Variants in HACL1 observed in about 807,000 individuals in gnomAD.
The protein encoded by HACL1 is 1600020H07Rik.
HACL1 carries 64 observed loss-of-function variants against 74.2 expected under a neutral mutation model. That is an observed-to-expected ratio of 0.86 (90% CI 0.70 to 1.06). The LOEUF (loss-of-function observed/expected upper bound fraction) is 1.06. HACL1 is among the 50% of genes least tolerant of loss of function. The probability of loss-of-function intolerance (pLI) is 0.00; values close to 1 mark genes in which losing one functional copy is unlikely to be tolerated. For synonymous variants in HACL1, 230 were observed against 238.8 expected (o/e 0.96, Z 0.34); for missense variants, 728 against 719.7 (o/e 1.01, Z -0.13).
Position 15,585,318 on chromosome 3 carries a change from G to A in HACL1, c.484C>T (p.Arg162Cys), listed in dbSNP as rs565905476. The change falls in exon 7 of 17, where the codon CGT becomes TGT. Residue 162 changes from arginine (R) to cysteine (C), a missense_variant. By Grantham distance (180) the Arg-to-Cys change is radical. Coordinates refer to ENST00000321169, the MANE Select transcript of HACL1 (RefSeq NM_012260.4). The stretch of plus-strand genomic sequence containing the variant: ...ATGTCAACATAGCAAGCACCTGGAC[G>A]ACCATAGATACTGCTTCTCACTGCC... The part of the protein sequence containing the change: ...EKAVRSSIYG[R>C]PGACYVDIPA... 19 of 1,601,102 alleles carry A rather than the reference G, an allele frequency of 1.2e-5. No individual in the cohort carries two copies. The African/African-American group carries it at 1.2e-4, about 10-fold the overall frequency.
intron 2 of HACL1, among the ~76,000 whole-genome samples, chr3:15,597,241 C>G (rs2064083241): frequency 6.6e-6 from 1 of 152,128 alleles, no homozygotes; most frequent in South Asian, 2.1e-4. Context: ...TGCTTAATTT[C>G]CAAAGGTCTG....
chr3:15,563,542 A>T lies in HACL1; in HGVS notation c.1520T>A (p.Val507Asp), dbSNP rs1471686021. Reference protein sequence around the residue: ...MLKFQDATAVVPPMCLLPNSH... With the variant: ...MLKFQDATAVDPPMCLLPNSH... ...ATTTGGCAGCAAACACATTGGAGGG[A>T]CCCTGAAAAACAAGGTCATGAGTCA... The change falls in exon 16 of 17, where the codon GTC (valine) becomes GAC (aspartate). Residue 507 changes from valine (V) to aspartate (D), a missense_variant and splice_region_variant. Coordinates refer to ENST00000321169, the MANE Select transcript of HACL1 (RefSeq NM_012260.4). 8 of 1,593,236 alleles carry T rather than the reference A, an allele frequency of 5.0e-6. No individual in the cohort carries two copies. The highest frequency in any genetic ancestry group is 6.9e-6 in the Non-Finnish European group (8 of 1,162,918).
chr3:15,593,536 C>T (rs79151331), intron 3 of HACL1, among the ~76,000 whole-genome samples: 3,578 of 151,974 alleles, frequency 0.024, 220 homozygotes, highest in Admixed American at 0.12. Flanking sequence ...AGAAAGATAT[C>T]GGATTTCTTG....
chr3:15,576,395 T>C (rs1308987597), intron 9 of HACL1, among the ~76,000 whole-genome samples: 7 of 152,114 alleles, frequency 4.6e-5, no homozygotes, highest in South Asian at 4.1e-4. Context: ...TATTCCAGAA[T>C]TGCTTTCTAA....
intron 14 of HACL1, among the ~76,000 whole-genome samples, chr3:15,566,240 G>T (rs2063432273): frequency 6.6e-6 from 1 of 152,118 alleles, no homozygotes; most frequent in African/African-American, 2.4e-5. Context: ...TTTAAATATA[G>T]CTGGAAAAAT....
At chr3:15,563,255 A>G in intron 16 of HACL1, 103 bp downstream of exon 16, 1 of 728,130 alleles carries the variant, frequency 1.4e-6, no homozygotes, top group Non-Finnish European at 2.3e-6. Context: ...GTTTAGAAAG[A>G]CCTCTGTGGA....
At chr3:15,591,493 T>G (rs191923849) in intron 4 of HACL1, 107 bp downstream of exon 4, 4 of 380,468 alleles carry the variant, frequency 1.1e-5, no homozygotes, top group Non-Finnish European at 1.2e-5. Flanking sequence ...ATTGAAGGGG[T>G]TTTTTTTTTC....
At chr3:15,577,263 T>A (rs1442350340) in intron 9 of HACL1, among the ~76,000 whole-genome samples, 1 of 151,962 alleles carries the variant, frequency 6.6e-6, no homozygotes, top group East Asian at 1.9e-4. Flanking sequence ...GGTGGAAGGA[T>A]CACTTGAGCC....
At chr3:15,574,315 C>T (rs1246269974) in intron 10 of HACL1, among the ~76,000 whole-genome samples, 3 of 152,162 alleles carry the variant, frequency 2.0e-5, no homozygotes, top group African/African-American at 7.2e-5. Flanking sequence ...CTGAAGTGAG[C>T]CATTATCGTG....
intron 4 of HACL1, among the ~76,000 whole-genome samples, chr3:15,591,288 A>G (rs2125276835): frequency 6.6e-6 from 1 of 152,228 alleles, no homozygotes; most frequent in South Asian, 2.1e-4. Flanking sequence ...TTTTTTTGGT[A>G]AAAGTACCTA....
chr3:15,600,791 C>G (rs1366190849), intron 2 of HACL1: 4 of 439,860 alleles, frequency 9.1e-6, no homozygotes, highest in African/African-American at 3.9e-5. Context: ...CATAAACTGT[C>G]CATTCCAATC....
intron 8 of HACL1, among the ~76,000 whole-genome samples, chr3:15,580,904 TTTG>T (rs1043028162): frequency 6.6e-6 from 1 of 152,196 alleles, no homozygotes; most frequent in African/African-American, 2.4e-5. Flanking sequence ...CATTATCTTT[TTTG>T]TTGTTGTTGT....
chr3:15,570,595 C>T (rs914937197), intron 12 of HACL1, among the ~76,000 whole-genome samples: 1 of 148,988 alleles, frequency 6.7e-6, no homozygotes, highest in African/African-American at 2.5e-5. Context: ...TAAAAAAAAA[C>T]CACCTTTCTC....
intron 5 of HACL1, among the ~76,000 whole-genome samples, chr3:15,586,959 C>T (rs572312163): frequency 6.6e-6 from 1 of 152,282 alleles, no homozygotes; most frequent in South Asian, 2.1e-4. Flanking sequence ...TCTTTGGATC[C>T]AGCAATTTCA....
intron 9 of HACL1, among the ~76,000 whole-genome samples, chr3:15,577,248 G>A (rs1010972770): frequency 6.6e-6 from 1 of 152,128 alleles, no homozygotes; most frequent in African/African-American, 2.4e-5. Context: ...ACTTTGGGAG[G>A]CCAAGGTGGA....
intron 12 of HACL1, among the ~76,000 whole-genome samples, chr3:15,570,399 A>C (rs1489188764): frequency 1.3e-5 from 2 of 151,876 alleles, no homozygotes; most frequent in Non-Finnish European, 2.9e-5. Context: ...TTCTGCTATA[A>C]TGTTTGATGC....
At chr3:15,593,686 GGTTTT>G (rs943075275) in intron 3 of HACL1, among the ~76,000 whole-genome samples, 72 of 151,424 alleles carry the variant, frequency 4.8e-4, no homozygotes, top group African/African-American at 1.5e-3. Flanking sequence ...TATGAAAAAA[GGTTTT>G]TTTTTCATTT....
In HACL1 at chr3:15,564,619, A is replaced by G; in HGVS notation, c.1449T>C (p.Asn483=). ...CTGTATCAAAACCTTGGTAAATTCC[A>G]TTGTTATTCACTACCAACAGTATGA... ...LPIILLVVNN[N]GIYQGFDTDT... The change falls in exon 15 of 17, where the codon AAT becomes AAC. Residue 483 remains asparagine (N), a synonymous_variant. Transcript: ENST00000321169. The G allele has an allele frequency of 6.4e-7, 1 of 1,572,540 alleles. No individual in the cohort carries two copies. The highest frequency in any genetic ancestry group is 2.2e-5 in the East Asian group (1 of 44,532).
At chr3:15,562,648 G>A (rs1054330264) in intron 16 of HACL1, among the ~76,000 whole-genome samples, 1 of 152,076 alleles carries the variant, frequency 6.6e-6, no homozygotes, top group Non-Finnish European at 1.5e-5. Context: ...TATATGAGGC[G>A]GCAAGTGGCA....
Sources: allele counts gnomAD v4.1 joint callset (sites outside exome capture counted in the v4.1 genomes callset), GRCh38; gene constraint gnomAD v4.1.1; transcripts MANE v1.5; gene names NCBI Gene and HGNC (gene_info 2026-07-23, HGNC 2026-07-21).